INTS9: variants seen among roughly 807,000 people sequenced by gnomAD.
INTS9 encodes protein related to CPSF subunits of 74 kDa.
Under a neutral mutation model 79.7 loss-of-function variants are expected in INTS9, and 55 were observed. The observed-to-expected ratio is 0.69, with a 90% CI of 0.56 to 0.86. The LOEUF is 0.86. Ranked by LOEUF, INTS9 falls within the 40% of genes least tolerant of loss-of-function variation. The pLI is 0.00. For missense variants in INTS9, 721 were observed against 831.5 expected (o/e 0.87, Z 1.64); for synonymous variants, 319 against 325.2 (o/e 0.98, Z 0.20).
intron 14 of INTS9, among the ~76,000 whole-genome samples, chr8:28,772,447 A>G (rs190163830): frequency 6.6e-6 from 1 of 152,248 alleles, no homozygotes; most frequent in Non-Finnish European, 1.5e-5. Flanking sequence ...CGGGAGGCAG[A>G]GGTTGCAGTG....
chr8:28,768,349 G>A, intron 16 of INTS9, 27 bp from the exon 17 acceptor site: 1 of 1,607,640 alleles, frequency 6.2e-7, no homozygotes, highest in South Asian at 1.1e-5. Flanking sequence ...GAAAGAGGTG[G>A]GCTGGGCAGA....
chr8:28,855,313 A>G (rs1034151185), intron 2 of INTS9, among the ~76,000 whole-genome samples: 3 of 152,274 alleles, frequency 2.0e-5, no homozygotes, highest in African/African-American at 7.2e-5. Context: ...AGCCTGATAC[A>G]CTGAGATGAG....
chr8:28,854,994 A>T (rs190308416), intron 2 of INTS9, among the ~76,000 whole-genome samples: 20 of 152,332 alleles, frequency 1.3e-4, no homozygotes, highest in African/African-American at 4.1e-4. Context: ...GTAGTATTCC[A>T]TGGTGAACAG....
chr8:28,778,535 G>A (rs561595571), intron 12 of INTS9, among the ~76,000 whole-genome samples: 2 of 152,166 alleles, frequency 1.3e-5, no homozygotes, highest in Non-Finnish European at 2.9e-5. Flanking sequence ...CTCCAGGCCC[G>A]TGAATGGTCT....
chr8:28,840,904 C>T (rs569899398), intron 4 of INTS9, among the ~76,000 whole-genome samples: 7 of 148,892 alleles, frequency 4.7e-5, no homozygotes, highest in African/African-American at 7.5e-5. Context: ...AACTAACCTG[C>T]ACATTGTGCA....
chr8:28,769,785 A>G, intron 16 of INTS9, 104 bp downstream of exon 16: 1 of 1,435,136 alleles, frequency 7.0e-7, no homozygotes. Context: ...GTGGGGACTA[A>G]GTGACAAGCA....
At chr8:28,810,788 G>A (rs1362588434) in intron 8 of INTS9, among the ~76,000 whole-genome samples, 1 of 152,126 alleles carries the variant, frequency 6.6e-6, no homozygotes, top group Non-Finnish European at 1.5e-5. Flanking sequence ...TACCAAAAAG[G>A]AGTAAGTATC....
chr8:28,805,956 C>T (rs141412112), intron 8 of INTS9, among the ~76,000 whole-genome samples: 68 of 152,102 alleles, frequency 4.5e-4, no homozygotes, highest in African/African-American at 1.6e-3. Flanking sequence ...CGGCCAAGCA[C>T]GGTGGCTCAT....
At chr8:28,847,012 T>G (rs1296567371) in intron 3 of INTS9, among the ~76,000 whole-genome samples, 1 of 152,186 alleles carries the variant, frequency 6.6e-6, no homozygotes, top group Non-Finnish European at 1.5e-5. Flanking sequence ...TGCTGTTTGG[T>G]TGCAGACTCA....
intron 10 of INTS9, among the ~76,000 whole-genome samples, chr8:28,790,607 T>A (rs559563067): frequency 3.9e-5 from 6 of 152,276 alleles, no homozygotes; most frequent in African/African-American, 1.4e-4. Context: ...GGATTACAGG[T>A]GTGAGCCACC....
At chr8:28,782,258 C>T (rs543147299) in intron 11 of INTS9, among the ~76,000 whole-genome samples, 1 of 152,140 alleles carries the variant, frequency 6.6e-6, no homozygotes, top group Non-Finnish European at 1.5e-5. Flanking sequence ...CACTCCACAC[C>T]AGGCCTGAAG....
intron 12 of INTS9, chr8:28,780,527 A>T (rs1019242316): frequency 2.0e-6 from 2 of 985,302 alleles, no homozygotes; most frequent in Non-Finnish European, 2.4e-6. Context: ...CCGTTACTGA[A>T]TCACTGCACT....
chr8:28,861,884 G>C (rs1808482203), intron 1 of INTS9, among the ~76,000 whole-genome samples: 1 of 152,266 alleles, frequency 6.6e-6, no homozygotes, highest in Admixed American at 6.5e-5. Flanking sequence ...ACTGACGAAA[G>C]GTGCCAGGCA....
intron 1 of INTS9, among the ~76,000 whole-genome samples, chr8:28,872,356 A>G (rs1207525860): frequency 1.3e-5 from 2 of 152,220 alleles, no homozygotes; most frequent in African/African-American, 4.8e-5. Flanking sequence ...TACTATAAAC[A>G]TACTCAAAAT....
chr8:28,796,052 G>C (rs1294172757), intron 9 of INTS9, among the ~76,000 whole-genome samples: 5 of 152,228 alleles, frequency 3.3e-5, no homozygotes, highest in African/African-American at 9.6e-5. Flanking sequence ...GCTCATGCCG[G>C]AAATCCCAGC....
chr8:28,837,623 A>G lies in INTS9; in HGVS notation c.401+14T>C. On this transcript the variant is annotated intron_variant, in intron 5 of 16. Transcript: ENST00000521022. ...GCAGTCACATCCTAGCAGGGTCAGAATCAACCCTCTCACCTGCCGATCTGG... is the reference window on the plus strand; with the variant it reads ...GCAGTCACATCCTAGCAGGGTCAGAGTCAACCCTCTCACCTGCCGATCTGG... 1 of 1,611,420 alleles carries G rather than the reference A, an allele frequency of 6.2e-7. No individual in the cohort carries two copies. Among genetic ancestry groups the G allele is most frequent in the Non-Finnish European group, 8.5e-7 (1 of 1,179,380 alleles).
chr8:28,796,613 G>T lies in INTS9; in HGVS notation c.787C>A (p.Leu263Met), dbSNP rs773912263. The T allele has an allele frequency of 3.7e-6, 6 of 1,613,922 alleles. No homozygotes were observed. The Admixed American group carries it at 1.0e-4, about 27-fold the overall frequency. Residue 263 changes from leucine (L) to methionine (M), a missense_variant, in exon 9 of 17, where the codon CTG becomes ATG. Leu to Met is a conservative substitution (Grantham distance 15). This residue lies in a region of INTS9 where 149 missense variants were observed against 223.7 expected (regional missense o/e 0.67). Transcript: ENST00000521022. ...ASLKNSDVLV[L>M]TGLTQIPTAN... ...GTGGGGATCTGGGTAAGCCCTGTCA[G>T]AACAAGAACATCGCTGTTTTTGAGA...
chr8:28,819,159 C>A lies in INTS9; in HGVS notation c.489-5547G>T, dbSNP rs572221571. 2.2e-3 allele frequency among the ~76,000 whole-genome samples: 334 copies of A among 152,276 alleles called. 1 individual carries two copies. Among genetic ancestry groups the A allele is most frequent in the African/African-American group, 7.7e-3 (321 of 41,536 alleles). ...TTTTGTGTCTCTATTTCCTTCAGTT[C>A]TGCTCTGATTTCAGTTATTTCTTGC... On this transcript the variant is annotated intron_variant, in intron 6 of 16. Coordinates refer to ENST00000521022, the MANE Select transcript of INTS9 (RefSeq NM_018250.4).
At chr8:28,884,342 C>T (rs960445754) in intron 1 of INTS9, among the ~76,000 whole-genome samples, 1 of 151,636 alleles carries the variant, frequency 6.6e-6, no homozygotes, top group African/African-American at 2.4e-5. Context: ...AGACACCAGG[C>T]CTAGCTAATT....
Sources: gnomAD v4.1 joint callset for allele counts (sites outside exome capture counted in the v4.1 genomes callset) on GRCh38, gnomAD v4.1.1 for gene constraint, gnomAD v4.1.1 regional missense constraint, MANE v1.5 for transcripts, NCBI Gene and HGNC (gene_info 2026-07-23, HGNC 2026-07-21) for gene names.